The following GALNT14 variants were observed in gnomAD, a reference collection of about 807,000 sequenced individuals.
GALNT14 encodes the protein UDP-GalNAc:polypeptide N-acetylgalactosaminyltransferase 14.
A neutral mutation model predicts 77.5 loss-of-function variants in GALNT14; 60 were observed. The ratio of observed to expected loss-of-function variants is 0.77; its 90% CI spans 0.63 to 0.96. GALNT14 has a LOEUF of 0.96. Ranked by LOEUF, GALNT14 falls within the 40% of genes least tolerant of loss-of-function variation. GALNT14 has a pLI of 0.00. For missense variants in GALNT14, 710 were observed against 731.0 expected (o/e 0.97, Z 0.33); for synonymous variants, 280 against 281.7 (o/e 0.99, Z 0.06).
chr2:30,931,053 T>G (rs1450421910), intron 10 of GALNT14, among the ~76,000 whole-genome samples: 1 of 152,202 alleles, frequency 6.6e-6, no homozygotes, highest in African/African-American at 2.4e-5. Context: ...CAGCTCACCT[T>G]TACTTTTTAA....
At chr2:31,106,328 AC>A (rs1159660918) in intron 1 of GALNT14, among the ~76,000 whole-genome samples, 1 of 152,132 alleles carries the variant, frequency 6.6e-6, no homozygotes, top group African/African-American at 2.4e-5. Context: ...TCTTTCAAGA[AC>A]TAAAATTATG....
At chr2:31,124,949 C>T (rs1678630091) in intron 1 of GALNT14, among the ~76,000 whole-genome samples, 1 of 152,352 alleles carries the variant, frequency 6.6e-6, no homozygotes, top group South Asian at 2.1e-4. Flanking sequence ...CTTCTACTAG[C>T]ACTGAATGCA....
Position 30,911,057 on chromosome 2 carries a change from T to G in GALNT14, c.1503A>C (p.Gln501His). The G allele has an allele frequency of 1.2e-6, 2 of 1,613,688 alleles. No individual in the cohort carries two copies. Among genetic ancestry groups the G allele is most frequent in the Admixed American group, 1.7e-5 (1 of 59,934 alleles). Reference sequence around the variant, plus strand: ...CGATGTGGGAACCAGTTTTGGTCCATTGCTGGTAAGACAAAGAAGAGAGTG... The same window carrying G: ...CGATGTGGGAACCAGTTTTGGTCCAGTGCTGGTAAGACAAAGAAGAGAGTG... ...VLCKNGDDRQ[Q>H]WTKTGSHIEH... is the part of the protein sequence containing the mutation. Residue 501 changes from glutamine (Q) to histidine (H), a missense_variant and splice_region_variant, in exon 15 of 15, where the codon CAA (glutamine) becomes CAC (histidine). Gln to His is a conservative substitution (Grantham distance 24). Transcript: ENST00000349752.
intron 1 of GALNT14, among the ~76,000 whole-genome samples, chr2:31,120,985 C>G (rs1351297294): frequency 6.6e-6 from 1 of 152,230 alleles, no homozygotes; most frequent in Admixed American, 6.5e-5. Context: ...TGCAGTGGAT[C>G]AGCACACATC....
intron 10 of GALNT14, among the ~76,000 whole-genome samples, chr2:30,930,942 T>A (rs558966210): frequency 1.5e-4 from 23 of 152,320 alleles, no homozygotes; most frequent in Admixed American, 3.9e-4. Flanking sequence ...AGACAATGAC[T>A]GTCTGGAGCC....
intron 1 of GALNT14, among the ~76,000 whole-genome samples, chr2:31,078,593 A>C (rs554995277): frequency 8.5e-5 from 13 of 152,326 alleles, no homozygotes; most frequent in African/African-American, 3.1e-4. Context: ...AGCCAGATCA[A>C]ATCAATCCCA....
the GALNT14 span, among the ~76,000 whole-genome samples, chr2:30,887,394 T>C: frequency 6.6e-6 from 1 of 152,230 alleles, no homozygotes; most frequent in Non-Finnish European, 1.5e-5. Context: ...TTTCTTTTTT[T>C]TAATTAATTT....
intron 1 of GALNT14, among the ~76,000 whole-genome samples, chr2:31,117,578 G>A (rs997316767): frequency 6.6e-6 from 1 of 152,174 alleles, no homozygotes; most frequent in African/African-American, 2.4e-5. Flanking sequence ...GATTGGAAAC[G>A]TGAATGGAGA....
rs568450209 is a variant in GALNT14 at position 30,971,603 on chromosome 2, T to G, written c.300-5301A>C. Among the ~76,000 whole-genome samples the G allele has an allele frequency of 4.6e-5, 7 of 152,312 alleles. No individual in the cohort carries two copies. In the South Asian group the frequency reaches 1.5e-3, roughly 32 times the overall value. ...CAACTTGAACTGGGGCTCCAAGGGC[T>G]TCCTGCACTGCCAGGCTCTGGAGCA... On this transcript the variant is annotated intron_variant, in intron 2 of 14. Transcript: ENST00000349752.
Position 30,910,626 on chromosome 2 carries a change from A to G in GALNT14, c.*275T>C. 1 of 365,630 alleles carries G rather than the reference A, an allele frequency of 2.7e-6. No individual in the cohort carries two copies. Among genetic ancestry groups the G allele is most frequent in the South Asian group, 6.0e-5 (1 of 16,690 alleles). 22.6% of individuals were successfully genotyped at this position (365,630 alleles called of 1,614,324 possible). The stretch of plus-strand genomic sequence containing the variant: ...AAAGGAACAATAAACACTTCCCATT[A>G]GGTTTCTGTCTCCAGATACCAATCA... On this transcript the variant is annotated 3_prime_UTR_variant, in exon 15 of 15. Transcript: ENST00000349752.
chr2:30,995,130 T>TTGTGTGTGTGTG (rs3058232), intron 1 of GALNT14, among the ~76,000 whole-genome samples: 9 of 144,142 alleles, frequency 6.2e-5, no homozygotes, highest in African/African-American at 1.0e-4. Flanking sequence ...AGAACCAATG[T>TTGTGTGTGTGTG]TGTGTGTGTG....
At chr2:31,075,502 G>A (rs1675715547) in intron 1 of GALNT14, among the ~76,000 whole-genome samples, 1 of 152,204 alleles carries the variant, frequency 6.6e-6, no homozygotes, top group East Asian at 1.9e-4. Context: ...CTTGAAAAGT[G>A]TTTCTTGAAT....
At chr2:30,931,962 A>C in intron 10 of GALNT14, 106 bp downstream of exon 10, 7 of 1,171,216 alleles carry the variant, frequency 6.0e-6, no homozygotes, top group Non-Finnish European at 7.9e-6. Flanking sequence ...CAAATCACAC[A>C]GGCAGCCTAA....
chr2:30,947,471 T>C (rs974629983), intron 6 of GALNT14, among the ~76,000 whole-genome samples: 3 of 152,210 alleles, frequency 2.0e-5, no homozygotes, highest in Non-Finnish European at 4.4e-5. Context: ...ACTGTACATA[T>C]ATTTTTCAAA....
the GALNT14 span, among the ~76,000 whole-genome samples, chr2:30,897,549 G>A: frequency 2.6e-5 from 4 of 152,344 alleles, no homozygotes; most frequent in South Asian, 6.2e-4. Flanking sequence ...TTCCCTAAAT[G>A]TTGGTGAGAG....
chr2:30,927,166 G>A lies in GALNT14; in HGVS notation c.1151+2229C>T, dbSNP rs1665438975. Among the ~76,000 whole-genome samples the A allele has an allele frequency of 2.0e-5, 3 of 152,252 alleles. No individual in the cohort carries two copies. In the South Asian group the frequency reaches 6.2e-4, roughly 32 times the overall value. On this transcript the variant is annotated intron_variant, in intron 11 of 14. Coordinates refer to ENST00000349752, the MANE Select transcript of GALNT14 (RefSeq NM_024572.4). The stretch of plus-strand genomic sequence containing the variant: ...ACTTGTCCCCATGTTAGAATCACCT[G>A]GTGTGGGGTCTTTAGAAAAATTCTA...
rs10638502 is a variant in GALNT14, at chr2:31,057,293, TTATATA to T, written c.130-64292_130-64287del. Reference sequence around the variant, plus strand: ...GCCCTATGAATCTAAAAAGTTGAAATTATATATATATATATATATATATAAAATTAT... The same window carrying T: ...GCCCTATGAATCTAAAAAGTTGAAATTATATATATATATATATAAAATTAT... On this transcript the variant is annotated intron_variant, in intron 1 of 14. Transcript: ENST00000349752. Among the ~76,000 whole-genome samples, 441 of 128,962 alleles carry T rather than the reference TTATATA, an allele frequency of 3.4e-3. 6 individuals are homozygous for T. The highest frequency in any genetic ancestry group is 0.012 in the African/African-American group (414 of 34,450). The allele number at this position is 128,962 out of a possible 152,430, so 84.6% of individuals were successfully genotyped here. A position where few individuals can be genotyped will look rare whatever the true frequency, so the allele number is the denominator to read the frequency against.
chr2:31,025,056 AAGTTATTAAGTTATAAT>A (rs1671954615), intron 1 of GALNT14, among the ~76,000 whole-genome samples: 1 of 151,608 alleles, frequency 6.6e-6, no homozygotes, highest in Non-Finnish European at 1.5e-5. Flanking sequence ...TAAGACAGTT[AAGTTATTAAGTTATAAT>A]AGTTATTAAG....
At chr2:31,135,936 C>A (rs1457403499) in intron 1 of GALNT14, among the ~76,000 whole-genome samples, 1 of 152,106 alleles carries the variant, frequency 6.6e-6, no homozygotes, top group Non-Finnish European at 1.5e-5. Flanking sequence ...AAAGAGTGCA[C>A]AAAGAAAGAA....
Sources: gnomAD v4.1 joint callset for allele counts (sites outside exome capture counted in the v4.1 genomes callset) on GRCh38, gnomAD v4.1.1 for gene constraint, MANE v1.5 for transcripts, NCBI Gene and HGNC (gene_info 2026-07-23, HGNC 2026-07-21) for gene names.